VSTM5: variants seen among roughly 807,000 people sequenced by gnomAD.
VSTM5 encodes the protein V-set and transmembrane domain containing 5.
In VSTM5, 21 loss-of-function variants were observed where a neutral mutation model predicts 20.3. The ratio of observed to expected loss-of-function variants is 1.03; its 90% CI spans 0.73 to 1.49. The LOEUF (loss-of-function observed/expected upper bound fraction) is 1.49, where lower values mean the gene tolerates loss of function less well. VSTM5 is among the 40% of genes most tolerant of loss of function. The pLI, the probability that VSTM5 is intolerant of heterozygous loss-of-function variation, is 0.00. For missense variants in VSTM5, 219 were observed against 250.0 expected, an observed-to-expected ratio of 0.88 and a Z score of 0.84; for synonymous variants, 100 against 102.5, an observed-to-expected ratio of 0.98 and a Z score of 0.14.
intron 1 of VSTM5, among the ~76,000 whole-genome samples, chr11:93,840,376 C>T (rs1392625795): frequency 6.6e-6 from 1 of 152,160 alleles, no homozygotes. Context: ...CCATGTGTTT[C>T]CAGCGTGCAT....
intron 1 of VSTM5, among the ~76,000 whole-genome samples, chr11:93,831,688 C>A (rs1320588546): frequency 6.6e-6 from 1 of 152,192 alleles, no homozygotes; most frequent in African/African-American, 2.4e-5. Flanking sequence ...TGGAGGCTAC[C>A]AGGCTGTTCC....
intron 1 of VSTM5, among the ~76,000 whole-genome samples, chr11:93,833,874 C>T (rs576294997): frequency 9.2e-5 from 14 of 152,040 alleles, no homozygotes; most frequent in Non-Finnish European, 1.6e-4. Flanking sequence ...CTCTAGTCAT[C>T]CTCAGCCTCC....
intron 1 of VSTM5, among the ~76,000 whole-genome samples, chr11:93,840,645 CAA>C (rs1944363174): frequency 6.6e-6 from 1 of 152,158 alleles, no homozygotes; most frequent in Admixed American, 6.5e-5. Context: ...AACAGGCAGG[CAA>C]AGTCATTCCA....
At chr11:93,839,743 C>T (rs1027320935) in intron 1 of VSTM5, among the ~76,000 whole-genome samples, 2 of 152,100 alleles carry the variant, frequency 1.3e-5, no homozygotes, top group East Asian at 1.9e-4. Flanking sequence ...CCAAAGCTCC[C>T]GCCCTTTTTG....
chr11:93,821,818 T>G (rs983808648), intron 1 of VSTM5: 1 of 159,802 alleles, frequency 6.3e-6, no homozygotes, highest in African/African-American at 2.4e-5. Flanking sequence ...GAATCGTGTT[T>G]TCTTTATCCC....
chr11:93,832,661 A>G (rs1478536552), intron 1 of VSTM5, among the ~76,000 whole-genome samples: 1 of 152,252 alleles, frequency 6.6e-6, no homozygotes, highest in East Asian at 1.9e-4. Flanking sequence ...GGACAACCCC[A>G]TGAGCATTAC....
rs1039168968 is a variant in VSTM5 at position 93,820,784 on chromosome 11, C to G, written c.518G>C (p.Cys173Ser). 6.4e-7 allele frequency: 1 copy of G among 1,551,430 alleles called. No individual in the cohort carries two copies. Among genetic ancestry groups the G allele is most frequent in the East Asian group, 2.4e-5 (1 of 40,926 alleles). The change falls in exon 3 of 4, where the codon TGT (cysteine) becomes TCT (serine). Residue 173 changes from cysteine to serine, a missense_variant. Physicochemically the swap from Cys to Ser is moderately radical, Grantham distance 112. Coordinates refer to ENST00000409977, the MANE Select transcript of VSTM5 (RefSeq NM_001144871.2). The stretch of plus-strand genomic sequence containing the variant: ...TCTCTTCCTCTGAAATTTATATGCA[C>G]ACTTATTACAAACCCACATGAGGCT... ...LISLMWVCNK[C>S]AYKFQRKRRH...
intron 1 of VSTM5, among the ~76,000 whole-genome samples, chr11:93,833,442 G>A (rs35454774): frequency 0.042 from 6,345 of 152,234 alleles, 419 homozygotes; most frequent in African/African-American, 0.14. Context: ...AGCTGGGCAT[G>A]GTGGCATGCA....
chr11:93,834,798 A>AAG, intron 1 of VSTM5, among the ~76,000 whole-genome samples: 1 of 151,198 alleles, frequency 6.6e-6, no homozygotes, highest in East Asian at 1.9e-4. Flanking sequence ...AAAAAAAAAA[A>AAG]AAAAATTTAA....
At chr11:93,848,772 A>G (rs1944434063) in intron 1 of VSTM5, among the ~76,000 whole-genome samples, 1 of 152,248 alleles carries the variant, frequency 6.6e-6, no homozygotes, top group Non-Finnish European at 1.5e-5. Flanking sequence ...TGCTTCCTGC[A>G]GGGAGAGGGT....
chr11:93,846,553 C>T (rs1035888333), intron 1 of VSTM5, among the ~76,000 whole-genome samples: 1 of 151,786 alleles, frequency 6.6e-6, no homozygotes, highest in Non-Finnish European at 1.5e-5. Flanking sequence ...GAGTTTCTCT[C>T]CCCTGAGTGA....
At position 93,819,143 on chromosome 11, in the gene VSTM5, A is replaced by T. The variant is rs1189900413; in HGVS notation, c.*1426T>A. On this transcript the variant is annotated 3_prime_UTR_variant, in exon 4 of 4. Coordinates refer to ENST00000409977, the MANE Select transcript of VSTM5 (RefSeq NM_001144871.2). ...CATAGGAAATAGAGAAGATATGGAC[A>T]TTGGAGGCCTGAAAGGAGGAAGAAG... The T allele has an allele frequency of 1.3e-5, 2 of 152,262 alleles. No individual in the cohort carries two copies. The highest frequency in any genetic ancestry group is 4.8e-5 in the African/African-American group (2 of 41,458). 9.4% of individuals were successfully genotyped at this position (152,262 alleles called of 1,614,324 possible). A position where few individuals can be genotyped will look rare whatever the true frequency, so the allele number is the denominator to read the frequency against.
At position 93,818,900 on chromosome 11, in the gene VSTM5, G is replaced by A. The variant is rs1944154824; in HGVS notation, c.*1669C>T. 6.6e-6 allele frequency: 1 copy of A among 152,258 alleles called. No individual in the cohort carries two copies. Among genetic ancestry groups the A allele is most frequent in the Admixed American group, 6.5e-5 (1 of 15,286 alleles). The allele number at this position is 152,258 out of a possible 1,614,324, so 9.4% of individuals were successfully genotyped here. On this transcript the variant is annotated 3_prime_UTR_variant, in exon 4 of 4. Transcript: ENST00000409977. ...GTGTGAGTTTACCCGTGTGTCTACA[G>A]GAGGCGCCTTGAGGGTATCTTCTAC...
rs1944171781 is a variant in VSTM5 at position 93,820,560 on chromosome 11, C to T, written c.*9G>A. ...CTTGAGGTAGGAATGCAGTCAGGCC[C>T]AGCCTTGGCTAACACTCAACATCTT... On this transcript the variant is annotated 3_prime_UTR_variant, in exon 4 of 4. Coordinates refer to ENST00000409977, the MANE Select transcript of VSTM5 (RefSeq NM_001144871.2). 2 of 1,551,780 alleles carry T rather than the reference C, an allele frequency of 1.3e-6. No individual in the cohort carries two copies. The highest frequency in any genetic ancestry group is 1.7e-6 in the Non-Finnish European group (2 of 1,147,062).
chr11:93,839,655 G>A (rs181172738), intron 1 of VSTM5, among the ~76,000 whole-genome samples: 1 of 152,228 alleles, frequency 6.6e-6, no homozygotes, highest in East Asian at 1.9e-4. Context: ...GGCCTGGTAG[G>A]GCATGGGTGG....
intron 1 of VSTM5, among the ~76,000 whole-genome samples, chr11:93,844,279 C>T (rs1206668200): frequency 6.6e-6 from 1 of 152,132 alleles, no homozygotes; most frequent in African/African-American, 2.4e-5. Context: ...GAGGCATTGG[C>T]TTTCAAAAAG....
chr11:93,850,589 C>T lies in VSTM5; in HGVS notation c.-87G>A, dbSNP rs1944452135. 1.2e-6 allele frequency: 1 copy of T among 860,674 alleles called. No individual in the cohort carries two copies. Among genetic ancestry groups the T allele is most frequent in the Non-Finnish European group, 1.6e-6 (1 of 624,582 alleles). 53.3% of individuals were successfully genotyped at this position (860,674 alleles called of 1,614,324 possible). A position where few individuals can be genotyped will look rare whatever the true frequency, so the allele number is the denominator to read the frequency against. On this transcript the variant is annotated 5_prime_UTR_variant, in exon 1 of 4. Coordinates refer to ENST00000409977, the MANE Select transcript of VSTM5 (RefSeq NM_001144871.2). ...TGCAGCCTTCTCTCTTCCTCCGCCT[C>T]TGGCTGCCGCAGGTTCTTTAGGGCC...
rs1893763 is a variant in VSTM5, at chr11:93,830,425, T to C, written c.92-9102A>G. On this transcript the variant is annotated intron_variant, in intron 1 of 3. Coordinates refer to ENST00000409977, the MANE Select transcript of VSTM5 (RefSeq NM_001144871.2). Reference sequence around the variant, plus strand: ...GAGAAGGGGTAGTAAGAAGTGGGCATGTGTAGGGCAGGTCTGCCCAAGACC... The same window carrying C: ...GAGAAGGGGTAGTAAGAAGTGGGCACGTGTAGGGCAGGTCTGCCCAAGACC... Among the ~76,000 whole-genome samples, 1,054 of 152,220 alleles carry C rather than the reference T, an allele frequency of 6.9e-3. 13 individuals carry two copies. Among genetic ancestry groups the C allele is most frequent in the African/African-American group, 0.024 (1,000 of 41,486 alleles).
At chr11:93,828,388 C>T (rs555363774) in intron 1 of VSTM5, among the ~76,000 whole-genome samples, 6 of 152,264 alleles carry the variant, frequency 3.9e-5, no homozygotes, top group African/African-American at 1.2e-4. Flanking sequence ...AACCACCTAC[C>T]GAGCAATGGG....
Sources: gnomAD v4.1 joint callset for allele counts (sites outside exome capture counted in the v4.1 genomes callset) on GRCh38, gnomAD v4.1.1 for gene constraint, MANE v1.5 for transcripts, NCBI Gene and HGNC (gene_info 2026-07-23, HGNC 2026-07-21) for gene names.